Variants in MYO10 observed in about 807,000 individuals in gnomAD.
MYO10 encodes the protein myosin X.
In MYO10, 133 loss-of-function variants were observed where a neutral mutation model predicts 257.3. That is an observed-to-expected ratio of 0.52 (90% CI 0.45 to 0.60). MYO10 has a LOEUF of 0.60. Ranked by LOEUF, MYO10 falls within the 20% of genes least tolerant of loss-of-function variation. MYO10 has a pLI of 0.00. For missense variants in MYO10, 2,399 were observed against 2,635.7 expected, an observed-to-expected ratio of 0.91 and a Z score of 1.97; for synonymous variants, 1,104 against 1,028.6, an observed-to-expected ratio of 1.07 and a Z score of -1.40.
At chr5:16,704,813 C>T in intron 21 of MYO10, 128 bp from the exon 22 acceptor site, 1 of 696,974 alleles carries the variant, frequency 1.4e-6, no homozygotes, top group South Asian at 1.8e-5. Flanking sequence ...CATGGCCATG[C>T]TTTCTAGAAT....
In MYO10 at chr5:16,670,867, T is replaced by C. The variant is rs1429357809; in HGVS notation, c.5542A>G (p.Ile1848Val). 4 of 1,613,866 alleles carry C rather than the reference T, an allele frequency of 2.5e-6. No homozygotes were observed. Among genetic ancestry groups the C allele is most frequent in the Non-Finnish European group, 3.4e-6 (4 of 1,179,898 alleles). Residue 1848 changes from isoleucine (I) to valine (V), a missense_variant, in exon 39 of 41, where the codon ATC becomes GTC. By Grantham distance (29) the Ile-to-Val change is conservative (BLOSUM62 3). Transcript: ENST00000513610. ...GAATAAACCTCTTCGAGAGGTGGGA[T>C]GGCAGCGTGCAGAGTATAATCCCCC... ...LQGDYTLHAAIPPLEEVYSLQ... is the reference protein window; with the variant it reads ...LQGDYTLHAAVPPLEEVYSLQ...
At chr5:16,723,598 C>A (rs941549687) in intron 19 of MYO10, among the ~76,000 whole-genome samples, 1 of 152,206 alleles carries the variant, frequency 6.6e-6, no homozygotes, top group East Asian at 1.9e-4. Context: ...CATGATCCAG[C>A]GACTGCCCGC....
At chr5:16,901,117 A>G (rs1358693979) in intron 1 of MYO10, among the ~76,000 whole-genome samples, 2 of 151,872 alleles carry the variant, frequency 1.3e-5, no homozygotes, top group African/African-American at 4.8e-5. Flanking sequence ...CTGCCCCTCC[A>G]GCGTTGTCTC....
intron 19 of MYO10, among the ~76,000 whole-genome samples, chr5:16,737,192 T>C (rs1435502572): frequency 6.6e-6 from 1 of 152,222 alleles, no homozygotes; most frequent in Non-Finnish European, 1.5e-5. Context: ...ACTGTATCTT[T>C]AATAGGACCA....
intron 3 of MYO10, among the ~76,000 whole-genome samples, chr5:16,801,233 A>T (rs992080013): frequency 6.6e-6 from 1 of 152,122 alleles, no homozygotes; most frequent in Non-Finnish European, 1.5e-5. Context: ...TTTGAGACAG[A>T]GTCTCGCTCC....
intron 28 of MYO10, among the ~76,000 whole-genome samples, 192 bp from the exon 29 acceptor site, chr5:16,686,023 A>T (rs1737238118): frequency 6.6e-6 from 1 of 152,244 alleles, no homozygotes; most frequent in African/African-American, 2.4e-5. Context: ...AAGTACGTGT[A>T]AATGCCTTTT....
chr5:16,884,973 T>A (rs539750535), intron 1 of MYO10, among the ~76,000 whole-genome samples: 13 of 152,178 alleles, frequency 8.5e-5, no homozygotes, highest in Non-Finnish European at 1.8e-4. Flanking sequence ...GCAGACTCTG[T>A]TGTCTAAATC....
intron 1 of MYO10, among the ~76,000 whole-genome samples, chr5:16,914,406 C>A (rs151076420): frequency 1.4e-3 from 206 of 152,240 alleles, no homozygotes; most frequent in African/African-American, 4.7e-3. Context: ...ACCTAACATG[C>A]GTTATCAGTA....
chr5:16,705,493 CTTTT>C (rs1738288733), intron 21 of MYO10, among the ~76,000 whole-genome samples: 1 of 152,170 alleles, frequency 6.6e-6, no homozygotes, highest in African/African-American at 2.4e-5. Flanking sequence ...GATAAAGTGG[CTTTT>C]AATTTTGCCA....
chr5:16,811,081 A>AAC (rs998469762), intron 3 of MYO10, among the ~76,000 whole-genome samples: 1 of 151,828 alleles, frequency 6.6e-6, no homozygotes, highest in African/African-American at 2.4e-5. Flanking sequence ...AAAAAAAAAA[A>AAC]AAAACAAAAA....
intron 30 of MYO10, 24 bp downstream of exon 30, chr5:16,683,856 G>A (rs753983352): frequency 6.2e-7 from 1 of 1,612,842 alleles, no homozygotes; most frequent in Non-Finnish European, 8.5e-7. Context: ...AGCTGTTTTT[G>A]TTAAGAGCCA....
At chr5:16,904,446 C>T (rs153709) in intron 1 of MYO10, among the ~76,000 whole-genome samples, 3 of 151,936 alleles carry the variant, frequency 2.0e-5, no homozygotes, top group Non-Finnish European at 2.9e-5. Flanking sequence ...CAGCAACCTG[C>T]GGCTTGTGAC....
chr5:16,769,323 G>T, intron 9 of MYO10, 120 bp from the exon 10 acceptor site: 1 of 1,094,706 alleles, frequency 9.1e-7, no homozygotes, highest in South Asian at 1.9e-5. Context: ...ACAAAAAATA[G>T]ATGCATAACC....
intron 2 of MYO10, among the ~76,000 whole-genome samples, chr5:16,835,175 G>T (rs748784348): frequency 6.6e-6 from 1 of 152,076 alleles, no homozygotes; most frequent in Non-Finnish European, 1.5e-5. Context: ...AGACTGTCTC[G>T]GGTGGGTAGA....
intron 2 of MYO10, among the ~76,000 whole-genome samples, chr5:16,864,004 G>A (rs1744174980): frequency 6.6e-6 from 1 of 152,104 alleles, no homozygotes; most frequent in Non-Finnish European, 1.5e-5. Flanking sequence ...AGACTGAGGT[G>A]GGGGGATTGC....
At chr5:16,875,157 A>C (rs1251438849) in intron 2 of MYO10, among the ~76,000 whole-genome samples, 1 of 152,232 alleles carries the variant, frequency 6.6e-6, no homozygotes, top group Non-Finnish European at 1.5e-5. Context: ...GGGTGGGGAC[A>C]CAGCCAAACC....
intron 2 of MYO10, among the ~76,000 whole-genome samples, chr5:16,860,656 A>C (rs968068290): frequency 4.6e-5 from 7 of 152,086 alleles, no homozygotes; most frequent in Non-Finnish European, 8.8e-5. Context: ...GGGAGAAGGA[A>C]GGAAGAGATG....
chr5:16,753,988 A>AATTACAATTAAATTTTACAATTTAATTAC (rs1740456729), intron 19 of MYO10, among the ~76,000 whole-genome samples: 1 of 152,188 alleles, frequency 6.6e-6, no homozygotes, highest in African/African-American at 2.4e-5. Context: ...TAGCTCTTAA[A>AATTACAATTAAATTTTACAATTTAATTAC]ATTACAATTA....
intron 3 of MYO10, among the ~76,000 whole-genome samples, chr5:16,797,284 A>G (rs1741998645): frequency 6.6e-6 from 1 of 152,214 alleles, no homozygotes; most frequent in Admixed American, 6.5e-5. Flanking sequence ...GGGATGCCCA[A>G]CTGGTAAGTA....
Sources: gnomAD v4.1 joint callset for allele counts (sites outside exome capture counted in the v4.1 genomes callset) on GRCh38, gnomAD v4.1.1 for gene constraint, MANE v1.5 for transcripts, NCBI Gene and HGNC (gene_info 2026-07-23, HGNC 2026-07-21) for gene names.